The following REDIC1 variants were observed in gnomAD, a reference collection of about 807,000 sequenced individuals.
The protein encoded by REDIC1 is regulator of DNA class I crossover intermediates 1.
the REDIC1 span, among the ~76,000 whole-genome samples, chr12:39,649,600 A>G: frequency 6.7e-6 from 1 of 148,356 alleles, no homozygotes; most frequent in Non-Finnish European, 1.5e-5. Flanking sequence ...TTTTCTGACA[A>G]TTCTGTCATT....
the REDIC1 span, among the ~76,000 whole-genome samples, chr12:39,761,803 A>C: frequency 1.3e-5 from 2 of 152,094 alleles, no homozygotes; most frequent in African/African-American, 4.8e-5. Flanking sequence ...AGATTAAACT[A>C]GGCTTCTAAA....
the REDIC1 span, among the ~76,000 whole-genome samples, chr12:39,801,643 G>A: frequency 6.6e-6 from 1 of 152,184 alleles, no homozygotes; most frequent in African/African-American, 2.4e-5. Context: ...TTAGAAGTCA[G>A]CAGACTTATT....
chr12:39,747,826 T>A, the REDIC1 span, among the ~76,000 whole-genome samples: 1 of 152,146 alleles, frequency 6.6e-6, no homozygotes, highest in Admixed American at 6.5e-5. Context: ...CCAGCCAAAC[T>A]AAGCTTCATA....
At chr12:39,670,483 G>C in the REDIC1 span, among the ~76,000 whole-genome samples, 1 of 152,190 alleles carries the variant, frequency 6.6e-6, no homozygotes, top group Non-Finnish European at 1.5e-5. Context: ...GAACCACTGC[G>C]CCTGACCTGT....
the REDIC1 span, among the ~76,000 whole-genome samples, chr12:39,856,760 C>T: frequency 2.6e-5 from 4 of 152,202 alleles, no homozygotes; most frequent in African/African-American, 9.7e-5. Flanking sequence ...GGTTATGTAA[C>T]GTGCTTTTAC....
the REDIC1 span, among the ~76,000 whole-genome samples, chr12:39,810,489 C>T: frequency 6.6e-6 from 1 of 152,086 alleles, no homozygotes; most frequent in South Asian, 2.1e-4. Context: ...TGCCTTATTA[C>T]ACTGGCTAGG....
At chr12:39,714,476 G>A in the REDIC1 span, among the ~76,000 whole-genome samples, 1 of 151,382 alleles carries the variant, frequency 6.6e-6, no homozygotes, top group Non-Finnish European at 1.5e-5. Flanking sequence ...ATTTGGGTTT[G>A]TTGCATGATT....
the REDIC1 span, among the ~76,000 whole-genome samples, chr12:39,635,171 A>G: frequency 2.2e-4 from 34 of 152,218 alleles, no homozygotes; most frequent in Non-Finnish European, 4.4e-4. Context: ...GTGGAGAAAT[A>G]GGAACACTTT....
chr12:39,648,913 A>C, the REDIC1 span, among the ~76,000 whole-genome samples: 2 of 151,798 alleles, frequency 1.3e-5, no homozygotes, highest in Non-Finnish European at 3.0e-5. Flanking sequence ...GAAGTATTAC[A>C]TTCCTGTGAC....
chr12:39,883,131 A>G, the REDIC1 span, among the ~76,000 whole-genome samples: 1 of 152,216 alleles, frequency 6.6e-6, no homozygotes, highest in African/African-American at 2.4e-5. Flanking sequence ...TTAAGTATAT[A>G]TCATTAAATT....
the REDIC1 span, among the ~76,000 whole-genome samples, chr12:39,702,433 C>A: frequency 6.6e-6 from 1 of 152,128 alleles, no homozygotes; most frequent in East Asian, 1.9e-4. Flanking sequence ...GAAATTGTGG[C>A]AATAATCAAT....
the REDIC1 span, among the ~76,000 whole-genome samples, chr12:39,698,258 A>G: frequency 2.0e-5 from 3 of 152,174 alleles, no homozygotes; most frequent in Non-Finnish European, 1.5e-5. Flanking sequence ...TGAGTGCTCC[A>G]TCCTCATGAA....
the REDIC1 span, among the ~76,000 whole-genome samples, chr12:39,807,389 C>A: frequency 2.0e-5 from 3 of 152,156 alleles, no homozygotes; most frequent in African/African-American, 7.2e-5. Context: ...GAAACAATAT[C>A]AATCTCCTGG....
chr12:39,737,770 T>G, the REDIC1 span, among the ~76,000 whole-genome samples: 7 of 152,326 alleles, frequency 4.6e-5, no homozygotes, highest in Admixed American at 4.6e-4. Flanking sequence ...AAATTTCTAG[T>G]GGTTGAACTA....
the REDIC1 span, among the ~76,000 whole-genome samples, chr12:39,686,787 A>C: frequency 6.6e-6 from 1 of 152,182 alleles, no homozygotes; most frequent in African/African-American, 2.4e-5. Flanking sequence ...TTTAAATATA[A>C]GTTCCAGTTT....
the REDIC1 span, among the ~76,000 whole-genome samples, chr12:39,628,183 G>T: frequency 1.3e-5 from 2 of 152,082 alleles, no homozygotes; most frequent in African/African-American, 2.4e-5. Flanking sequence ...AAACATGGTT[G>T]CATTGTAGAG....
the REDIC1 span, among the ~76,000 whole-genome samples, chr12:39,704,369 G>A: frequency 2.0e-5 from 3 of 152,060 alleles, no homozygotes; most frequent in African/African-American, 7.2e-5. Flanking sequence ...AAACCACAAT[G>A]AGATACCATC....
the REDIC1 span, among the ~76,000 whole-genome samples, chr12:39,899,826 T>C: frequency 6.6e-6 from 1 of 152,182 alleles, no homozygotes; most frequent in African/African-American, 2.4e-5. Flanking sequence ...TCTAGTTTGA[T>C]TGCACTGTGG....
the REDIC1 span, among the ~76,000 whole-genome samples, chr12:39,867,986 G>T: frequency 2.6e-5 from 4 of 152,266 alleles, no homozygotes; most frequent in South Asian, 4.1e-4. Flanking sequence ...TAATCACTTA[G>T]TCCTATCATC....
Sources: allele counts gnomAD v4.1 joint callset (sites outside exome capture counted in the v4.1 genomes callset), GRCh38; gene constraint gnomAD v4.1.1; transcripts MANE v1.5; gene names NCBI Gene and HGNC (gene_info 2026-07-23, HGNC 2026-07-21).